STOX2: variants seen among roughly 807,000 people sequenced by gnomAD.
The protein encoded by STOX2 is storkhead box 2, also known as storkhead-box protein 2.
STOX2 carries 28 observed loss-of-function variants against 60.9 expected under a neutral mutation model. The ratio of observed to expected loss-of-function variants is 0.46; its 90% confidence interval spans 0.34 to 0.63. The LOEUF (loss-of-function observed/expected upper bound fraction) is 0.63. Ranked by LOEUF, STOX2 falls within the 30% of genes least tolerant of loss-of-function variation. The pLI, the probability that STOX2 is intolerant of heterozygous loss-of-function variation, is 0.01. For missense variants in STOX2, 1,024 were observed against 1,187.7 expected, an observed-to-expected ratio of 0.86 and a Z score of 2.03; for synonymous variants, 472 against 463.9, an observed-to-expected ratio of 1.02 and a Z score of -0.22.
chr4:183,934,131 C>T (rs78910030), intron 1 of STOX2, among the ~76,000 whole-genome samples: 35,546 of 151,760 alleles, frequency 0.23, 7,632 homozygotes, highest in African/African-American at 0.57. Flanking sequence ...TGCAAAACTC[C>T]GTCTGTACTT....
intron 1 of STOX2, among the ~76,000 whole-genome samples, chr4:183,939,942 C>T (rs912965447): frequency 6.6e-6 from 1 of 152,134 alleles, no homozygotes; most frequent in African/African-American, 2.4e-5. Context: ...CTCGCTCTGT[C>T]GCTCAGGCTG....
chr4:183,967,371 G>GA (rs60724798), intron 1 of STOX2, among the ~76,000 whole-genome samples: 1,300 of 111,186 alleles, frequency 0.012, 21 homozygotes, highest in African/African-American at 0.032. Flanking sequence ...CGTCTCAAGA[G>GA]AAAAAAAAAA....
chr4:183,831,676 G>A (rs1011564737), intron 1 of STOX2, among the ~76,000 whole-genome samples: 12 of 152,134 alleles, frequency 7.9e-5, no homozygotes, highest in Admixed American at 7.2e-4. Flanking sequence ...AGTGATGGAT[G>A]CGCTGAGGGC....
In STOX2 at chr4:183,844,257, CT is replaced by C. The variant is rs1199244598; in HGVS notation, c.364+46203del. Among the ~76,000 whole-genome samples, 36 of 152,166 alleles carry C rather than the reference CT, an allele frequency of 2.4e-4. 1 individual carries two copies. The highest frequency in any genetic ancestry group is 8.2e-4 in the African/African-American group (34 of 41,514). ...CATGTTCCGGTTGAATATTTTGGTA[CT>C]GAAAAATGTCTTCAGGAAAGCAACA... is the stretch of plus-strand genomic sequence containing the variant. On this transcript the variant is annotated intron_variant, in intron 1 of 2. Transcript: ENST00000513034.
intron 1 of STOX2, among the ~76,000 whole-genome samples, chr4:183,922,312 T>TTAA (rs1553975456): frequency 2.7e-5 from 4 of 146,250 alleles, no homozygotes; most frequent in African/African-American, 1.0e-4. Context: ...CAAATTGTGG[T>TTAA]AAAAAAAAAA....
intron 1 of STOX2, among the ~76,000 whole-genome samples, chr4:183,913,642 G>A (rs762317913): frequency 7.2e-5 from 11 of 152,234 alleles, no homozygotes; most frequent in African/African-American, 2.2e-4. Flanking sequence ...ATGGTGGCGC[G>A]TGCCTGTAAT....
At chr4:183,890,536 A>AGGAAGGAGAGAGGGAGGGAGGGAGGGAG (rs70959155) in intron 1 of STOX2, among the ~76,000 whole-genome samples, 3 of 122,524 alleles carry the variant, frequency 2.4e-5, no homozygotes, top group Non-Finnish European at 4.9e-5. Flanking sequence ...AAAGGAGGGA[A>AGGAAGGAGAGAGGGAGGGAGGGAGGGAG]GGAAGGAGAG....
intron 2 of STOX2, among the ~76,000 whole-genome samples, chr4:184,002,644 A>G (rs114727121): frequency 6.6e-6 from 1 of 152,224 alleles, no homozygotes; most frequent in Non-Finnish European, 1.5e-5. Context: ...GCACAAGCCC[A>G]TGGCACGAAG....
chr4:183,877,688 G>A (rs1450153115), intron 1 of STOX2, among the ~76,000 whole-genome samples: 1 of 152,040 alleles, frequency 6.6e-6, no homozygotes, highest in Non-Finnish European at 1.5e-5. Flanking sequence ...TGCTGCTGCT[G>A]CTGTGTTTTT....
intron 1 of STOX2, among the ~76,000 whole-genome samples, chr4:183,861,537 A>T (rs1052227139): frequency 6.6e-6 from 1 of 152,124 alleles, no homozygotes; most frequent in South Asian, 2.1e-4. Flanking sequence ...GGTTTTGTAG[A>T]TCGTGTGGAT....
chr4:183,830,949 G>A (rs1464937114), intron 1 of STOX2, among the ~76,000 whole-genome samples: 2 of 147,918 alleles, frequency 1.4e-5, no homozygotes, highest in Non-Finnish European at 3.0e-5. Context: ...ACAGTTTTCA[G>A]TTTCAAAGTT....
In STOX2 at chr4:184,001,747, C is replaced by T. The variant is rs1560933204; in HGVS notation, c.319+270C>T. Among the ~76,000 whole-genome samples the T allele has an allele frequency of 6.6e-6, 1 of 151,754 alleles. No individual in the cohort carries two copies. Among genetic ancestry groups the T allele is most frequent in the Non-Finnish European group, 1.5e-5 (1 of 67,932 alleles). Reference sequence around the variant, plus strand: ...TCCATGAAGAATCTGGCAAGAATGACCAGGACTCCAGTCAGTCTTTGCAAA... The same window carrying T: ...TCCATGAAGAATCTGGCAAGAATGATCAGGACTCCAGTCAGTCTTTGCAAA... On this transcript the variant is annotated intron_variant, in intron 2 of 3. Coordinates refer to ENST00000308497, the MANE Select transcript of STOX2 (RefSeq NM_020225.3). This position sits in a 1 kb window ranked among gnomAD's most constrained non-coding sequence, Gnocchi z 4.2.
At chr4:183,818,663 A>T (rs1049093183) in intron 1 of STOX2, among the ~76,000 whole-genome samples, 2 of 151,836 alleles carry the variant, frequency 1.3e-5, no homozygotes, top group Admixed American at 6.5e-5. Flanking sequence ...CACTTCCCAG[A>T]AGGGGCGGCC....
intron 1 of STOX2, among the ~76,000 whole-genome samples, chr4:183,921,254 G>C (rs1031726114): frequency 6.6e-5 from 10 of 152,174 alleles, no homozygotes; most frequent in African/African-American, 2.4e-4. Context: ...CTATGGGTTT[G>C]CATGGTGTAA....
intron 1 of STOX2, among the ~76,000 whole-genome samples, chr4:183,845,395 G>T (rs1739962839): frequency 6.6e-6 from 1 of 152,168 alleles, no homozygotes. Context: ...AATTTACCTT[G>T]AAGATAGAAT....
At chr4:183,981,419 G>A (rs1732654705) in intron 1 of STOX2, among the ~76,000 whole-genome samples, 2 of 151,342 alleles carry the variant, frequency 1.3e-5, no homozygotes, top group African/African-American at 2.4e-5. Context: ...TACTAGATAC[G>A]AGATAGAAAC....
intron 1 of STOX2, among the ~76,000 whole-genome samples, chr4:183,968,509 C>A (rs1743646112): frequency 6.6e-6 from 1 of 152,172 alleles, no homozygotes; most frequent in African/African-American, 2.4e-5. Flanking sequence ...CAAGCACAAA[C>A]ACAGACCTAC....
At chr4:183,890,293 G>C (rs933056100) in intron 1 of STOX2, among the ~76,000 whole-genome samples, 2 of 152,000 alleles carry the variant, frequency 1.3e-5, no homozygotes, top group African/African-American at 4.8e-5. Context: ...GACCATCCTG[G>C]CCAACATGGT....
chr4:183,883,476 C>A (rs565580527), intron 1 of STOX2, among the ~76,000 whole-genome samples: 2 of 152,048 alleles, frequency 1.3e-5, no homozygotes, highest in Admixed American at 1.3e-4. Context: ...CCTGCCACCA[C>A]GCCCAGCTAA....
Sources: allele counts gnomAD v4.1 joint callset (sites outside exome capture counted in the v4.1 genomes callset), GRCh38; gene constraint gnomAD v4.1.1; non-coding constraint Gnocchi (gnomAD v3.1); transcripts MANE v1.5; gene names NCBI Gene and HGNC (gene_info 2026-07-23, HGNC 2026-07-21).